Variants in PRKN observed in about 807,000 individuals in gnomAD.
PRKN encodes E3 ubiquitin-protein ligase parkin.
In PRKN, 56 loss-of-function variants were observed where a neutral mutation model predicts 59.5. The ratio of observed to expected loss-of-function variants is 0.94; its 90% CI spans 0.76 to 1.18. PRKN has a LOEUF of 1.18. Ranked by LOEUF, PRKN falls within the 50% of genes most tolerant of loss-of-function variation. The probability of loss-of-function intolerance (pLI) is 0.00; values close to 1 mark genes in which losing one functional copy is unlikely to be tolerated. For missense variants in PRKN, 657 were observed against 596.4 expected (o/e 1.10, Z -1.06); for synonymous variants, 250 against 222.1 (o/e 1.13, Z -1.12).
Position 161,575,532 on chromosome 6 carries a change from T to C in PRKN, c.872-6116A>G, listed in dbSNP as rs990386667. On this transcript the variant is annotated intron_variant, in intron 7 of 11. Transcript: ENST00000366898. The surrounding 1 kb of genome is among the most constrained non-coding windows in gnomAD (Gnocchi z 4.6). ...AAACTCATTTGGAAAATATATTCCATTGAGAAGCATTAAAAACCACATGAG... is the reference window on the plus strand; with the variant it reads ...AAACTCATTTGGAAAATATATTCCACTGAGAAGCATTAAAAACCACATGAG... Among the ~76,000 whole-genome samples the C allele has an allele frequency of 3.3e-5, 5 of 152,222 alleles. No individual in the cohort carries two copies. Among genetic ancestry groups the C allele is most frequent in the South Asian group, 2.1e-4 (1 of 4,834 alleles).
intron 6 of PRKN, among the ~76,000 whole-genome samples, chr6:161,790,070 A>T (rs1016650365): frequency 6.6e-6 from 1 of 152,234 alleles, no homozygotes; most frequent in African/African-American, 2.4e-5. Context: ...CCATGGAACA[A>T]GTATTACAAG....
At chr6:161,703,811 G>C (rs1786354076) in intron 7 of PRKN, among the ~76,000 whole-genome samples, 1 of 145,244 alleles carries the variant, frequency 6.9e-6, no homozygotes, top group Admixed American at 6.9e-5. Context: ...AACCACATGA[G>C]GACACACATC....
chr6:161,887,608 TTA>T (rs980307340), intron 6 of PRKN, among the ~76,000 whole-genome samples: 1 of 148,106 alleles, frequency 6.8e-6, no homozygotes, highest in African/African-American at 2.5e-5. Context: ...GGGTCACCAC[TTA>T]TATTATTCCT....
rs1217212373 is a variant in PRKN, at chr6:161,944,047, A to G, written c.734+29255T>C. Among the ~76,000 whole-genome samples the G allele has an allele frequency of 4.4e-5, 6 of 136,898 alleles. No homozygotes were observed. The East Asian group carries it at 1.7e-3, about 40-fold the overall frequency. 89.8% of individuals were successfully genotyped at this position (136,898 alleles called of 152,430 possible). A position where few individuals can be genotyped will look rare whatever the true frequency, so the allele number is the denominator to read the frequency against. On this transcript the variant is annotated intron_variant, in intron 6 of 11. Transcript: ENST00000366898. ...GCCTGAGGAATCAGCCTGAGGGACC[A>G]GCCTGAGGGATCAGCCTGAGGGATC...
chr6:162,606,768 G>A (rs907364380), intron 1 of PRKN, among the ~76,000 whole-genome samples: 3 of 152,168 alleles, frequency 2.0e-5, no homozygotes, highest in African/African-American at 7.2e-5. Context: ...CAAGGCTGGG[G>A]TGCAGTGGTG....
At chr6:162,288,040 T>A (rs898329061) in intron 2 of PRKN, among the ~76,000 whole-genome samples, 3 of 152,146 alleles carry the variant, frequency 2.0e-5, no homozygotes, top group African/African-American at 7.2e-5. Context: ...CGGAATCCTG[T>A]TCATGATTAG....
intron 6 of PRKN, among the ~76,000 whole-genome samples, chr6:161,871,873 G>A (rs142457552): frequency 5.3e-5 from 8 of 152,278 alleles, no homozygotes; most frequent in African/African-American, 1.2e-4. Context: ...ACACACCACA[G>A]GCACGAGGAC....
At chr6:162,257,800 C>G (rs887392882) in intron 3 of PRKN, among the ~76,000 whole-genome samples, 3 of 152,090 alleles carry the variant, frequency 2.0e-5, no homozygotes, top group African/African-American at 7.2e-5. Flanking sequence ...GTTGTGTTGC[C>G]TCCACCCTTT....
At chr6:162,038,785 T>C (rs1783945048) in intron 5 of PRKN, among the ~76,000 whole-genome samples, 1 of 152,170 alleles carries the variant, frequency 6.6e-6, no homozygotes. Flanking sequence ...ATTTGATAGA[T>C]ATATAACTTC....
At chr6:162,027,903 A>G (rs1387964812) in intron 5 of PRKN, among the ~76,000 whole-genome samples, 1 of 151,918 alleles carries the variant, frequency 6.6e-6, no homozygotes, top group Non-Finnish European at 1.5e-5. Flanking sequence ...AAGGAGGAAT[A>G]GATTAATTAC....
At chr6:162,182,022 T>C (rs1783823056) in intron 4 of PRKN, among the ~76,000 whole-genome samples, 1 of 152,132 alleles carries the variant, frequency 6.6e-6, no homozygotes, top group South Asian at 2.1e-4. Context: ...TCTGAGTTCC[T>C]GGCGTATTTT....
chr6:162,575,596 C>T (rs1454097142), intron 1 of PRKN, among the ~76,000 whole-genome samples: 1 of 152,160 alleles, frequency 6.6e-6, no homozygotes, highest in Non-Finnish European at 1.5e-5. Context: ...ACTTGACCTC[C>T]ATGCTTGCCT....
intron 7 of PRKN, among the ~76,000 whole-genome samples, chr6:161,745,786 TG>T (rs1329873330): frequency 2.0e-5 from 3 of 152,208 alleles, no homozygotes; most frequent in Non-Finnish European, 4.4e-5. Context: ...ACAGCCCGAC[TG>T]GAAGAACAAG....
chr6:162,435,921 C>T (rs1033894254), intron 2 of PRKN, among the ~76,000 whole-genome samples: 1 of 151,828 alleles, frequency 6.6e-6, no homozygotes, highest in Non-Finnish European at 1.5e-5. Flanking sequence ...CTTTTATATA[C>T]AAACAAAAAA....
rs1786491349 is a variant in PRKN, at chr6:161,391,240, T to C, written c.1084-4363A>G. On this transcript the variant is annotated intron_variant, in intron 9 of 11. Coordinates refer to ENST00000366898, the MANE Select transcript of PRKN (RefSeq NM_004562.3). This position sits in a 1 kb window ranked among gnomAD's most constrained non-coding sequence, Gnocchi z 4.9. ...GGCTGAAATTTACCCAGGGATTTGC[T>C]ATTACTTAAAAATGGTCTTACATTT... Among the ~76,000 whole-genome samples, 1 of 152,080 alleles carries C rather than the reference T, an allele frequency of 6.6e-6. No homozygotes were observed. Among genetic ancestry groups the C allele is most frequent in the Non-Finnish European group, 1.5e-5 (1 of 68,030 alleles).
intron 7 of PRKN, among the ~76,000 whole-genome samples, chr6:161,688,306 G>A (rs1785643991): frequency 6.6e-6 from 1 of 152,176 alleles, no homozygotes; most frequent in African/African-American, 2.4e-5. Context: ...AGAAGTGGCA[G>A]CATAGTGACT....
chr6:161,615,122 A>T (rs1349838583), intron 7 of PRKN, among the ~76,000 whole-genome samples: 1 of 152,196 alleles, frequency 6.6e-6, no homozygotes, highest in East Asian at 1.9e-4. Context: ...TTTTAATAGC[A>T]AAAACTGTAA....
intron 6 of PRKN, among the ~76,000 whole-genome samples, chr6:161,943,881 G>C (rs115263960): frequency 1.1e-5 from 1 of 86,960 alleles, no homozygotes; most frequent in Non-Finnish European, 3.0e-5. Flanking sequence ...GAAGCAGCCT[G>C]AGGGATTGGC....
intron 2 of PRKN, among the ~76,000 whole-genome samples, chr6:162,429,382 G>C (rs1335564349): frequency 6.6e-6 from 1 of 152,110 alleles, no homozygotes; most frequent in Non-Finnish European, 1.5e-5. Context: ...AGAATGACAG[G>C]TGCTGTGTTA....
Sources: gnomAD v4.1 joint callset for allele counts (sites outside exome capture counted in the v4.1 genomes callset) on GRCh38, gnomAD v4.1.1 for gene constraint, Gnocchi (gnomAD v3.1) non-coding constraint, MANE v1.5 for transcripts, NCBI Gene and HGNC (gene_info 2026-07-23, HGNC 2026-07-21) for gene names.